PCCA: variants seen among roughly 807,000 people sequenced by gnomAD.
PCCA encodes the protein propionyl-CoA carboxylase subunit alpha.
In PCCA, 74 loss-of-function variants were observed where a neutral mutation model predicts 101.3. That is an observed-to-expected ratio of 0.73 (90% CI 0.61 to 0.89). PCCA has a LOEUF of 0.89. PCCA is among the 40% of genes least tolerant of loss of function. PCCA has a pLI of 0.00. For missense variants in PCCA, 891 were observed against 907.0 expected (o/e 0.98, Z 0.23); for synonymous variants, 294 against 313.6 (o/e 0.94, Z 0.66).
intron 19 of PCCA, among the ~76,000 whole-genome samples, chr13:100,370,878 G>A (rs542619698): frequency 5.9e-5 from 9 of 152,062 alleles, no homozygotes; most frequent in Non-Finnish European, 1.3e-4. Flanking sequence ...AAAAAAATTA[G>A]CCTACAGGTG....
At chr13:100,242,134 T>G (rs1042073404) in intron 8 of PCCA, among the ~76,000 whole-genome samples, 9 of 151,998 alleles carry the variant, frequency 5.9e-5, no homozygotes, top group Admixed American at 2.0e-4. Flanking sequence ...AAGAATAGAT[T>G]AAAAAAAGTG....
rs569902022 is a variant in PCCA at position 100,137,049 on chromosome 13, TA to T, written c.301-17929del. Among the ~76,000 whole-genome samples the T allele has an allele frequency of 1.8e-3, 278 of 152,102 alleles. 2 individuals are homozygous for T. The highest frequency in any genetic ancestry group is 2.7e-3 in the East Asian group (14 of 5,186). ...CTCTAAGCACTCTAAGTGCATCTAATATTTTTTTTTATATATTGTGTTTTCA... is the reference window on the plus strand; with the variant it reads ...CTCTAAGCACTCTAAGTGCATCTAATTTTTTTTTTATATATTGTGTTTTCA... On this transcript the variant is annotated intron_variant, in intron 4 of 23. Transcript: ENST00000376285.
intron 21 of PCCA, among the ~76,000 whole-genome samples, chr13:100,455,819 C>T (rs985307399): frequency 6.6e-6 from 1 of 152,114 alleles, no homozygotes; most frequent in East Asian, 1.9e-4. Context: ...TCTGTCTCAG[C>T]CTCCCAAGTA....
At chr13:100,195,894 C>A (rs926163801) in intron 6 of PCCA, among the ~76,000 whole-genome samples, 8 of 152,136 alleles carry the variant, frequency 5.3e-5, no homozygotes, top group Non-Finnish European at 1.0e-4. Flanking sequence ...GAATGTGAGG[C>A]TTACCCACCC....
chr13:100,249,682 A>G (rs917257571), intron 8 of PCCA, among the ~76,000 whole-genome samples: 2 of 152,186 alleles, frequency 1.3e-5, no homozygotes, highest in Non-Finnish European at 2.9e-5. Flanking sequence ...TGATATCTTA[A>G]CAATATTGAA....
chr13:100,119,773 G>T (rs2049182404), intron 4 of PCCA, among the ~76,000 whole-genome samples: 1 of 152,098 alleles, frequency 6.6e-6, no homozygotes, highest in African/African-American at 2.4e-5. Context: ...TCCTTTCTCT[G>T]ATCGTTAAAA....
intron 16 of PCCA, among the ~76,000 whole-genome samples, chr13:100,325,541 GA>G (rs893304917): frequency 3.6e-4 from 54 of 151,808 alleles, no homozygotes; most frequent in Middle Eastern, 3.4e-3. Flanking sequence ...TTCTGAGGGG[GA>G]AAAAAAAGCC....
At chr13:100,451,511 C>G in intron 21 of PCCA, among the ~76,000 whole-genome samples, 1 of 152,084 alleles carries the variant, frequency 6.6e-6, no homozygotes, top group East Asian at 1.9e-4. Context: ...CCTCAGTGTT[C>G]GTGCTGGGAA....
chr13:100,241,295 T>TC (rs149849465), intron 8 of PCCA, among the ~76,000 whole-genome samples: 28,475 of 152,060 alleles, frequency 0.19, 3,058 homozygotes, highest in African/African-American at 0.28. Context: ...ACTTTGTGTC[T>TC]TGTGGATTTA....
At chr13:100,337,378 G>A (rs2070653857) in intron 17 of PCCA, among the ~76,000 whole-genome samples, 1 of 152,220 alleles carries the variant, frequency 6.6e-6, no homozygotes, top group Non-Finnish European at 1.5e-5. Flanking sequence ...AGGGCAAACA[G>A]TGGAGACCGT....
intron 19 of PCCA, among the ~76,000 whole-genome samples, chr13:100,399,079 A>G (rs2077195660): frequency 6.6e-6 from 1 of 152,148 alleles, no homozygotes; most frequent in Non-Finnish European, 1.5e-5. Context: ...CATGTTAAAT[A>G]TGCTTTGCCT....
intron 6 of PCCA, among the ~76,000 whole-genome samples, chr13:100,186,288 C>T (rs2057259384): frequency 6.6e-6 from 1 of 152,102 alleles, no homozygotes; most frequent in African/African-American, 2.4e-5. Context: ...AATTGTGTAT[C>T]TGTACAAATA....
chr13:100,347,954 ATAATCTTGTGTAGC>A (rs1334116000), intron 18 of PCCA, among the ~76,000 whole-genome samples: 1 of 152,232 alleles, frequency 6.6e-6, no homozygotes, highest in Non-Finnish European at 1.5e-5. Flanking sequence ...TTCAGGAAGC[ATAATCTTGTGTAGC>A]TAAGTGAAGC....
chr13:100,321,259 G>C (rs550720341), intron 16 of PCCA, among the ~76,000 whole-genome samples: 1 of 152,208 alleles, frequency 6.6e-6, no homozygotes, highest in South Asian at 2.1e-4. Context: ...ATGATCAAGG[G>C]ATTAATTTCC....
chr13:100,228,271 C>G (rs190691043), intron 7 of PCCA, among the ~76,000 whole-genome samples: 1 of 152,302 alleles, frequency 6.6e-6, no homozygotes, highest in East Asian at 1.9e-4. Context: ...CTGCCTCAGC[C>G]TCCCAGAGTG....
intron 16 of PCCA, among the ~76,000 whole-genome samples, chr13:100,317,342 G>A (rs767665377): frequency 5.3e-5 from 8 of 151,952 alleles, no homozygotes; most frequent in Non-Finnish European, 1.0e-4. Flanking sequence ...CCCTGTTTTG[G>A]ATTCCTTCAC....
At position 100,303,011 on chromosome 13, in the gene PCCA, G is replaced by A; in HGVS notation, c.1284+13G>A. On this transcript the variant is annotated intron_variant, in intron 14 of 23. Transcript: ENST00000376285. ...ACATCTACCTGGTGTAAGTCATTAA[G>A]CTGTAATACCAGCTGAAGGGTTAAA... 1 of 1,445,850 alleles carries A rather than the reference G, an allele frequency of 6.9e-7. No homozygotes were observed. The highest frequency in any genetic ancestry group is 9.7e-7 in the Non-Finnish European group (1 of 1,026,468). 89.6% of individuals were successfully genotyped at this position (1,445,850 alleles called of 1,614,324 possible). A position where few individuals can be genotyped will look rare whatever the true frequency, so the allele number is the denominator to read the frequency against.
intron 21 of PCCA, among the ~76,000 whole-genome samples, chr13:100,507,317 G>A (rs547189676): frequency 1.5e-4 from 23 of 152,288 alleles, no homozygotes; most frequent in Admixed American, 1.1e-3. Flanking sequence ...GGGCACTTGG[G>A]CCAGGCAGAG....
intron 4 of PCCA, among the ~76,000 whole-genome samples, chr13:100,129,081 C>T (rs979595162): frequency 1.4e-4 from 22 of 152,272 alleles, no homozygotes; most frequent in African/African-American, 4.6e-4. Context: ...TTTGATCCTT[C>T]GGGCTTCTTG....
Sources: gnomAD v4.1 joint callset for allele counts (sites outside exome capture counted in the v4.1 genomes callset) on GRCh38, gnomAD v4.1.1 for gene constraint, MANE v1.5 for transcripts, NCBI Gene and HGNC (gene_info 2026-07-23, HGNC 2026-07-21) for gene names.